DLG2: variants seen among roughly 807,000 people sequenced by gnomAD.
DLG2 encodes the protein discs large MAGUK scaffold protein 2, also known as disks large homolog 2.
DLG2 carries 45 observed loss-of-function variants against 132.5 expected under a neutral mutation model. The observed-to-expected ratio is 0.34, with a 90% CI of 0.27 to 0.44. The LOEUF is 0.44. DLG2 is among the 20% of genes least tolerant of loss of function. The pLI, the probability that DLG2 is intolerant of heterozygous loss-of-function variation, is 1.00. For synonymous variants in DLG2, 424 were observed against 419.6 expected (o/e 1.01, Z -0.13); for missense variants, 1,045 against 1,196.9 (o/e 0.87, Z 1.87).
intron 6 of DLG2, among the ~76,000 whole-genome samples, chr11:85,104,538 T>A (rs1225675097): frequency 3.3e-5 from 5 of 151,798 alleles, no homozygotes; most frequent in Non-Finnish European, 7.4e-5. Context: ...ATTAGTGGTT[T>A]GTAAGAGCTG....
intron 3 of DLG2, among the ~76,000 whole-genome samples, chr11:85,588,188 T>C (rs1023426659): frequency 6.6e-6 from 1 of 152,200 alleles, no homozygotes; most frequent in Non-Finnish European, 1.5e-5. Context: ...TGGGTAATGA[T>C]CTTTTTGTGA....
chr11:85,113,230 T>C (rs1267550711), intron 5 of DLG2, among the ~76,000 whole-genome samples: 3 of 152,056 alleles, frequency 2.0e-5, no homozygotes, highest in African/African-American at 4.8e-5. Context: ...CATGAAATGC[T>C]CTTGACAGTC....
intron 3 of DLG2, among the ~76,000 whole-genome samples, chr11:85,388,690 C>T (rs1488759451): frequency 6.6e-6 from 1 of 152,158 alleles, no homozygotes; most frequent in Non-Finnish European, 1.5e-5. Flanking sequence ...GCAGACACTA[C>T]CCAGTACCAG....
At position 84,588,305 on chromosome 11, in the gene DLG2, T is replaced by C. The variant is rs535843966; in HGVS notation, c.358-53574A>G. On this transcript the variant is annotated intron_variant, in intron 6 of 27. Transcript: ENST00000376104. ...CAACTCCTACTAATCTTCCAAAAAC[T>C]ACTCACACATCATCTTCTTTTCAGC... Among the ~76,000 whole-genome samples the C allele has an allele frequency of 3.3e-5, 5 of 152,316 alleles. No individual in the cohort carries two copies. In the South Asian group the frequency reaches 1.0e-3, roughly 32 times the overall value.
At chr11:83,655,720 G>A (rs556279862) in intron 18 of DLG2, among the ~76,000 whole-genome samples, 33 of 152,202 alleles carry the variant, frequency 2.2e-4, no homozygotes, top group African/African-American at 7.7e-4. Context: ...AATAGCTCAG[G>A]AAACAGCTCC....
At chr11:83,771,818 G>C (rs867496097) in intron 18 of DLG2, among the ~76,000 whole-genome samples, 3 of 152,016 alleles carry the variant, frequency 2.0e-5, no homozygotes, top group Non-Finnish European at 4.4e-5. Context: ...CTTCAACAGA[G>C]GTATTTACGC....
chr11:84,319,848 T>C (rs2098393621), intron 7 of DLG2, among the ~76,000 whole-genome samples: 1 of 152,242 alleles, frequency 6.6e-6, no homozygotes, highest in African/African-American at 2.4e-5. Flanking sequence ...TAAAAGACTA[T>C]ATTGAAATCA....
At position 83,469,246 on chromosome 11, in the gene DLG2, A is replaced by G; in HGVS notation, c.2574T>C (p.Asn858=). ...CAGACTGCACACTGGTTCCATATAA[A>G]TTGTCATTGTACTGGCCGGCTTCTA... ...KFIEAGQYND[N]LYGTSVQSVR... is the part of the protein sequence containing the mutation. Residue 858 remains asparagine, a synonymous_variant, in exon 25 of 28, where the codon AAT becomes AAC. Transcript: ENST00000376104. 1 of 1,613,392 alleles carries G rather than the reference A, an allele frequency of 6.2e-7. No homozygotes were observed. The highest frequency in any genetic ancestry group is 8.5e-7 in the Non-Finnish European group (1 of 1,179,724).
intron 6 of DLG2, among the ~76,000 whole-genome samples, chr11:84,607,368 C>G (rs2099587676): frequency 6.6e-6 from 1 of 152,038 alleles, no homozygotes; most frequent in Admixed American, 6.6e-5. Context: ...TTGAGAAAGC[C>G]ACATAAAACC....
intron 6 of DLG2, among the ~76,000 whole-genome samples, chr11:85,050,377 G>A (rs1299630671): frequency 6.6e-6 from 1 of 152,002 alleles, no homozygotes; most frequent in South Asian, 2.1e-4. Context: ...TAAAGAACAA[G>A]ACTTTGTCTT....
At chr11:84,198,751 G>A (rs1358719426) in intron 8 of DLG2, among the ~76,000 whole-genome samples, 2 of 152,092 alleles carry the variant, frequency 1.3e-5, no homozygotes, top group Non-Finnish European at 2.9e-5. Context: ...AAGTCAAATA[G>A]AAAAATTCTG....
chr11:84,320,795 T>C (rs1240947667), intron 7 of DLG2, among the ~76,000 whole-genome samples: 1 of 152,148 alleles, frequency 6.6e-6, no homozygotes, highest in Non-Finnish European at 1.5e-5. Flanking sequence ...AGAAAAAACT[T>C]TTAAAATGTC....
chr11:83,970,919 T>C (rs1355196314), intron 12 of DLG2, among the ~76,000 whole-genome samples: 1 of 152,160 alleles, frequency 6.6e-6, no homozygotes, highest in Non-Finnish European at 1.5e-5. Context: ...GTACCGGATT[T>C]GGACCAAAAA....
intron 7 of DLG2, among the ~76,000 whole-genome samples, chr11:84,278,062 T>C (rs887378633): frequency 1.3e-5 from 2 of 148,490 alleles, no homozygotes; most frequent in African/African-American, 5.0e-5. Flanking sequence ...TTTTTTTTTT[T>C]TTTTTTTTTG....
At chr11:85,419,162 T>C (rs1279669790) in intron 3 of DLG2, among the ~76,000 whole-genome samples, 3 of 152,244 alleles carry the variant, frequency 2.0e-5, no homozygotes, top group African/African-American at 7.2e-5. Flanking sequence ...TAAGAAATTC[T>C]ATTTCTCCTT....
intron 19 of DLG2, among the ~76,000 whole-genome samples, chr11:83,578,543 A>G (rs1244672814): frequency 6.6e-6 from 1 of 152,268 alleles, no homozygotes; most frequent in South Asian, 2.1e-4. Flanking sequence ...CAAAGGTACA[A>G]CTAGGTTAAA....
In DLG2 at chr11:84,059,402, C is replaced by T. The variant is rs2096555673; in HGVS notation, c.832G>A (p.Ala278Thr). ...ACATACAGCCGAACGATAGACCCTG[C>T]TTCCTTCAGGGCTTCCACCGCTTTA... ...HSKAVEALKE[A>T]GSIVRLYVRR... Residue 278 changes from alanine (A) to threonine (T), a missense_variant, in exon 11 of 28, where the codon GCA (alanine) becomes ACA (threonine). Ala to Thr is a moderately conservative substitution (Grantham distance 58). Transcript: ENST00000376104. 1.9e-6 allele frequency: 3 copies of T among 1,613,510 alleles called. No homozygotes were observed. Among genetic ancestry groups the T allele is most frequent in the African/African-American group, 1.3e-5 (1 of 74,966 alleles).
intron 8 of DLG2, among the ~76,000 whole-genome samples, chr11:84,247,558 T>C (rs1024410717): frequency 6.6e-6 from 1 of 152,158 alleles, no homozygotes; most frequent in African/African-American, 2.4e-5. Context: ...CTATGTCACA[T>C]TTAAGGTCAT....
At chr11:83,542,539 C>T (rs373482660) in intron 19 of DLG2, among the ~76,000 whole-genome samples, 3 of 152,186 alleles carry the variant, frequency 2.0e-5, no homozygotes, top group Non-Finnish European at 4.4e-5. Flanking sequence ...TGCTTCCATA[C>T]GATGCCTAGC....
Sources: allele counts gnomAD v4.1 joint callset (sites outside exome capture counted in the v4.1 genomes callset), GRCh38; gene constraint gnomAD v4.1.1; transcripts MANE v1.5; gene names NCBI Gene and HGNC (gene_info 2026-07-23, HGNC 2026-07-21).